The following RAB21 variants were observed in gnomAD, a reference collection of about 807,000 sequenced individuals.
RAB21 encodes the protein ras-related protein Rab-21.
RAB21 carries 13 observed loss-of-function variants against 33.1 expected under a neutral mutation model. The observed-to-expected ratio is 0.39, with a 90% CI of 0.26 to 0.62. RAB21 has a LOEUF of 0.62. Ranked by LOEUF, RAB21 falls within the 20% of genes least tolerant of loss-of-function variation. The probability of loss-of-function intolerance (pLI) is 0.48; values close to 1 mark genes in which losing one functional copy is unlikely to be tolerated. For missense variants in RAB21, 234 were observed against 279.1 expected, an observed-to-expected ratio of 0.84 and a Z score of 1.15; for synonymous variants, 91 against 103.7, an observed-to-expected ratio of 0.88 and a Z score of 0.74.
At chr12:71,785,492 A>G (rs1357150844) in intron 6 of RAB21, 39 bp from the exon 7 acceptor site, 5 of 1,604,616 alleles carry the variant, frequency 3.1e-6, no homozygotes, top group Non-Finnish European at 4.3e-6. Context: ...AAACACAAAT[A>G]TTGTGGTCCT....
rs1389472726 is a variant in RAB21, at chr12:71,755,310, AGGG to A, written c.159+25_159+27del. 2.0e-6 allele frequency: 3 copies of A among 1,495,486 alleles called. No homozygotes were observed. In the Admixed American group the frequency reaches 7.3e-5, roughly 36 times the overall value. The allele number at this position is 1,495,486 out of a possible 1,614,324, so 92.6% of individuals were successfully genotyped here. On this transcript the variant is annotated intron_variant, in intron 1 of 6. Transcript: ENST00000261263. Reference sequence around the variant, plus strand: ...GCAGGTGCGGACCTCGGGGAGCGGGAGGGGGCGCCTCAGGGCCCCTACCCCTCC... The same window carrying A: ...GCAGGTGCGGACCTCGGGGAGCGGGAGGCGCCTCAGGGCCCCTACCCCTCC...
At chr12:71,782,180 C>T (rs1592650031) in intron 5 of RAB21, 95 bp downstream of exon 5, 1 of 1,180,868 alleles carries the variant, frequency 8.5e-7, no homozygotes, top group African/African-American at 1.5e-5. Flanking sequence ...ACTCAAATCT[C>T]TTAGCATGGA....
intron 3 of RAB21, 86 bp from the exon 4 acceptor site, chr12:71,773,873 T>C: frequency 1.1e-6 from 1 of 887,168 alleles, no homozygotes. Context: ...TTCTGAGGTA[T>C]TTTGACAGTG....
Position 71,785,807 on chromosome 12 carries a change from A to G in RAB21, c.*134A>G. 9.5e-7 allele frequency: 1 copy of G among 1,052,664 alleles called. No individual in the cohort carries two copies. Among genetic ancestry groups the G allele is most frequent in the Non-Finnish European group, 1.4e-6 (1 of 726,806 alleles). The allele number at this position is 1,052,664 out of a possible 1,614,324, so 65.2% of individuals were successfully genotyped here. A position where few individuals can be genotyped will look rare whatever the true frequency, so the allele number is the denominator to read the frequency against. ...ATTAACAGTATTTTAAATTACGTTT[A>G]TAACACTGCAGAGACCTTAAGTGCT... On this transcript the variant is annotated 3_prime_UTR_variant, in exon 7 of 7. Transcript: ENST00000261263.
chr12:71,763,858 T>C (rs1882915686), intron 1 of RAB21, among the ~76,000 whole-genome samples: 1 of 152,148 alleles, frequency 6.6e-6, no homozygotes, highest in Non-Finnish European at 1.5e-5. Context: ...TAGTTAGCTT[T>C]GTGCAATGGA....
intron 4 of RAB21, among the ~76,000 whole-genome samples, chr12:71,781,159 GT>G (rs1194486204): frequency 4.6e-5 from 7 of 152,080 alleles, no homozygotes; most frequent in Non-Finnish European, 8.8e-5. Flanking sequence ...CACTAAAATT[GT>G]TTTTTAAACA....
intron 1 of RAB21, 35 bp from the exon 2 acceptor site, chr12:71,769,765 A>G (rs764442690): frequency 1.1e-5 from 12 of 1,128,958 alleles, no homozygotes; most frequent in South Asian, 1.9e-5. Flanking sequence ...CTTATTTTAT[A>G]AGAAACATTG....
rs147512268 is a variant in RAB21, at chr12:71,766,840, A to G, written c.160-2960A>G. Among the ~76,000 whole-genome samples, 232 of 152,284 alleles carry G rather than the reference A, an allele frequency of 1.5e-3. 1 individual carries two copies. The highest frequency in any genetic ancestry group is 0.01 in the Middle Eastern group (3 of 294). ...ATTGAAGAGGATGCAAAAAAGCCAT[A>G]TAAGTTGGAGAATAAGTAAAGAAAT... On this transcript the variant is annotated intron_variant, in intron 1 of 6. Transcript: ENST00000261263.
At chr12:71,772,976 TA>T (rs1883065896) in intron 3 of RAB21, among the ~76,000 whole-genome samples, 1 of 152,208 alleles carries the variant, frequency 6.6e-6, no homozygotes, top group African/African-American at 2.4e-5. Flanking sequence ...AGATGCACAG[TA>T]AGTGGTTACC....
intron 4 of RAB21, among the ~76,000 whole-genome samples, chr12:71,779,492 G>C (rs1279116123): frequency 2.6e-5 from 4 of 151,836 alleles, no homozygotes; most frequent in Admixed American, 2.6e-4. Flanking sequence ...CAGTTATGGA[G>C]TAAGCAAGGA....
intron 6 of RAB21, among the ~76,000 whole-genome samples, chr12:71,785,218 G>C (rs931074888): frequency 1.3e-5 from 2 of 152,212 alleles, no homozygotes; most frequent in African/African-American, 4.8e-5. Context: ...TTCTAAGTGT[G>C]TTTGGAAAAT....
chr12:71,782,737 A>G (rs1350225275), intron 6 of RAB21, 79 bp downstream of exon 6: 5 of 904,900 alleles, frequency 5.5e-6, no homozygotes, highest in African/African-American at 5.2e-5. Flanking sequence ...ATTTTACACC[A>G]GTGTTACTTT....
rs991482836 is a variant in RAB21, at chr12:71,787,352, A to G, written c.*1679A>G. The G allele has an allele frequency of 6.6e-6, 1 of 152,174 alleles. No individual in the cohort carries two copies. The highest frequency in any genetic ancestry group is 2.4e-5 in the African/African-American group (1 of 41,432). The allele number at this position is 152,174 out of a possible 1,614,324, so 9.4% of individuals were successfully genotyped here. ...AGGAACACAGATTGTAGAGATTAAC[A>G]TAAATTGTTCTTGTTCTAATATATA... On this transcript the variant is annotated 3_prime_UTR_variant, in exon 7 of 7. Coordinates refer to ENST00000261263, the MANE Select transcript of RAB21 (RefSeq NM_014999.4).
intron 3 of RAB21, among the ~76,000 whole-genome samples, chr12:71,772,340 C>A (rs1445987675): frequency 6.6e-6 from 1 of 152,162 alleles, no homozygotes; most frequent in African/African-American, 2.4e-5. Context: ...AGCTACCAGG[C>A]CTTCTTAAGA....
chr12:71,777,535 C>T (rs1368642711), intron 4 of RAB21, among the ~76,000 whole-genome samples: 1 of 152,060 alleles, frequency 6.6e-6, no homozygotes, highest in African/African-American at 2.4e-5. Context: ...TTATTAGTAA[C>T]TTTGAAATAA....
chr12:71,756,835 G>A (rs764695247), intron 1 of RAB21, among the ~76,000 whole-genome samples: 1 of 152,120 alleles, frequency 6.6e-6, no homozygotes, highest in Non-Finnish European at 1.5e-5. Flanking sequence ...CTTGCTTTCT[G>A]TCTGCTTGCT....
At chr12:71,778,574 A>G (rs1280034457) in intron 4 of RAB21, among the ~76,000 whole-genome samples, 1 of 152,158 alleles carries the variant, frequency 6.6e-6, no homozygotes, top group Non-Finnish European at 1.5e-5. Context: ...ATTGCTTACT[A>G]TGTGCCAGGC....
chr12:71,761,854 C>G (rs1008097401), intron 1 of RAB21, among the ~76,000 whole-genome samples: 2 of 152,052 alleles, frequency 1.3e-5, no homozygotes, highest in Non-Finnish European at 1.5e-5. Flanking sequence ...CAGGTTGTAG[C>G]AGTGGTTTTA....
intron 1 of RAB21, among the ~76,000 whole-genome samples, chr12:71,756,229 A>T (rs944944671): frequency 6.6e-6 from 1 of 152,184 alleles, no homozygotes; most frequent in African/African-American, 2.4e-5. Context: ...TAGCTGTGTC[A>T]TACTGGGTAA....
Sources: allele counts gnomAD v4.1 joint callset (sites outside exome capture counted in the v4.1 genomes callset), GRCh38; gene constraint gnomAD v4.1.1; transcripts MANE v1.5; gene names NCBI Gene and HGNC (gene_info 2026-07-23, HGNC 2026-07-21).